MYG1: variants seen among roughly 807,000 people sequenced by gnomAD.
MYG1 encodes MYG1 exonuclease, also known as UPF0160 protein MYG1, mitochondrial.
MYG1 carries 36 observed loss-of-function variants against 43.5 expected under a neutral mutation model. The observed-to-expected ratio is 0.83, with a 90% CI of 0.63 to 1.09. MYG1 has a LOEUF of 1.09. Ranked by LOEUF, MYG1 falls within the 50% of genes least tolerant of loss-of-function variation. The pLI is 0.00. For synonymous variants in MYG1, 220 were observed against 202.8 expected, an observed-to-expected ratio of 1.08 and a Z score of -0.72; for missense variants, 529 against 495.1, an observed-to-expected ratio of 1.07 and a Z score of -0.65.
chr12:53,299,830 C>T lies in MYG1; in HGVS notation c.93C>T (p.Val31=). 6.2e-7 allele frequency: 1 copy of T among 1,614,208 alleles called. No individual in the cohort carries two copies. The highest frequency in any genetic ancestry group is 1.3e-5 in the African/African-American group (1 of 75,054). The change falls in exon 1 of 7, where the codon GTC becomes GTT. Residue 31 remains valine, a synonymous_variant. Coordinates refer to ENST00000267103, the MANE Select transcript of MYG1 (RefSeq NM_021640.4). Reference sequence around the variant, plus strand: ...ACCGCATGCTCGGTCCAGAGTCCGTCCCGCCCCCAAAACGATCCCGCAGCA... The same window carrying T: ...ACCGCATGCTCGGTCCAGAGTCCGTTCCGCCCCCAAAACGATCCCGCAGCA... ...TRHRMLGPES[V]PPPKRSRSKL... is the part of the protein sequence containing the mutation.
chr12:53,300,892 A>C, intron 2 of MYG1, among the ~76,000 whole-genome samples: 1 of 146,212 alleles, frequency 6.8e-6, no homozygotes, highest in African/African-American at 2.5e-5. Context: ...CCAGTCTATT[A>C]CTTTCTTCTC....
intron 1 of MYG1, 93 bp from the exon 2 acceptor site, chr12:53,300,057 C>CACCCTTCCT: frequency 6.5e-7 from 1 of 1,538,260 alleles, no homozygotes; most frequent in East Asian, 2.4e-5. Context: ...GCAGCCCAAG[C>CACCCTTCCT]ACCCTTCCTA....
chr12:53,303,340 C>T, intron 3 of MYG1, 147 bp downstream of exon 3: 2 of 857,756 alleles, frequency 2.3e-6, no homozygotes, highest in Non-Finnish European at 1.7e-6. Context: ...CTCAGTCAGG[C>T]TCATCTCACA....
chr12:53,303,003 C>T (rs1416800764), intron 2 of MYG1, 31 bp from the exon 3 acceptor site: 1 of 1,558,494 alleles, frequency 6.4e-7, no homozygotes, highest in African/African-American at 1.4e-5. Flanking sequence ...CAAGGTCCCT[C>T]ACCTCAGCCC....
chr12:53,303,446 G>C (rs963006611), intron 3 of MYG1: 3 of 413,134 alleles, frequency 7.3e-6, no homozygotes, highest in Non-Finnish European at 4.3e-6. Flanking sequence ...CCATAAAGCA[G>C]CATGGCCCCG....
rs112202958 is a variant in MYG1, at chr12:53,306,084, C to T, written c.642+24C>T. ...AGGTAAGGTGGCCTGGGAGGAGACCCGGAGACCTGTAAGAACCTTGGGTGG... is the reference window on the plus strand; with the variant it reads ...AGGTAAGGTGGCCTGGGAGGAGACCTGGAGACCTGTAAGAACCTTGGGTGG... On this transcript the variant is annotated intron_variant, in intron 4 of 6. Transcript: ENST00000267103. 1.6e-5 allele frequency: 25 copies of T among 1,610,162 alleles called. No individual in the cohort carries two copies. The African/African-American group carries it at 1.6e-4, about 10-fold the overall frequency.
chr12:53,305,750 C>T (rs118081486), intron 3 of MYG1, 158 bp from the exon 4 acceptor site: 12,470 of 846,410 alleles, frequency 0.015, 184 homozygotes, highest in South Asian at 0.046. Flanking sequence ...TGAGCTTCAG[C>T]GAGCTGCTGA....
intron 2 of MYG1, among the ~76,000 whole-genome samples, chr12:53,302,278 C>A (rs1252220964): frequency 6.6e-6 from 1 of 152,228 alleles, no homozygotes; most frequent in East Asian, 1.9e-4. Flanking sequence ...TGAGCCCAGC[C>A]TGTATTTACT....
chr12:53,305,851 A>G (rs1234686507), intron 3 of MYG1, 57 bp from the exon 4 acceptor site: 3 of 1,531,202 alleles, frequency 2.0e-6, no homozygotes, highest in South Asian at 1.3e-5. Flanking sequence ...TGAATCATGT[A>G]AGATTTCACA....
At chr12:53,300,767 T>C (rs4759053) in intron 2 of MYG1, among the ~76,000 whole-genome samples, 141,518 of 152,224 alleles carry the variant, frequency 0.93, 66,378 homozygotes, top group Non-Finnish European at 0.99. Context: ...CCCTGCCTCT[T>C]TTCAAAAGAA....
intron 2 of MYG1, among the ~76,000 whole-genome samples, chr12:53,300,734 C>G (rs1165141140): frequency 6.6e-6 from 1 of 152,116 alleles, no homozygotes; most frequent in Non-Finnish European, 1.5e-5. Flanking sequence ...TCCCTCAAGC[C>G]TCTACCGCAT....
chr12:53,303,134 C>A lies in MYG1; in HGVS notation c.430C>A (p.Leu144Met), dbSNP rs771324602. 1 of 1,614,208 alleles carries A rather than the reference C, an allele frequency of 6.2e-7. No individual in the cohort carries two copies. The highest frequency in any genetic ancestry group is 1.1e-5 in the South Asian group (1 of 91,082). Reference protein sequence around the residue: ...LIYLHFGHKLLAQLLGTSEED... With the variant: ...LIYLHFGHKLMAQLLGTSEED... The stretch of plus-strand genomic sequence containing the variant: ...CTATCTGCACTTCGGGCACAAGCTG[C>A]TGGCCCAGTTGCTGGGCACTAGTGA... Residue 144 changes from leucine (L) to methionine (M), a missense_variant, in exon 3 of 7, where the codon CTG (leucine) becomes ATG (methionine). By Grantham distance (15) the Leu-to-Met change is conservative. Coordinates refer to ENST00000267103, the MANE Select transcript of MYG1 (RefSeq NM_021640.4).
intron 3 of MYG1, among the ~76,000 whole-genome samples, chr12:53,304,006 G>A (rs2121063593): frequency 6.6e-6 from 1 of 152,072 alleles, no homozygotes; most frequent in South Asian, 2.1e-4. Context: ...ACCATGCCCG[G>A]CTAATTTTTT....
At chr12:53,305,437 G>A (rs1360147898) in intron 3 of MYG1, among the ~76,000 whole-genome samples, 4 of 152,078 alleles carry the variant, frequency 2.6e-5, no homozygotes, top group Non-Finnish European at 4.4e-5. Flanking sequence ...CCAGCAACCA[G>A]CTTTTGGTGT....
rs747580125 is a variant in MYG1, at chr12:53,300,165, C to G, written c.232C>G (p.Arg78Gly). 10 of 1,600,836 alleles carry G rather than the reference C, an allele frequency of 6.2e-6. No homozygotes were observed. The South Asian group carries it at 1.1e-4, about 18-fold the overall frequency. Reference sequence around the variant, plus strand: ...TACCTCGCAGGATGCAGAGATTGTGCGGACCCGGGATCCCGAAAAACTCGC... The same window carrying G: ...TACCTCGCAGGATGCAGAGATTGTGGGGACCCGGGATCCCGAAAAACTCGC... ...LPEYRDAEIV[R>G]TRDPEKLASC... The change falls in exon 2 of 7, where the codon CGG (arginine) becomes GGG (glycine). Residue 78 changes from arginine to glycine, a missense_variant. Arg to Gly is a moderately radical substitution (Grantham distance 125, BLOSUM62 -2). Coordinates refer to ENST00000267103, the MANE Select transcript of MYG1 (RefSeq NM_021640.4).
Position 53,307,161 on chromosome 12 carries a change from C to T in MYG1, c.*12C>T, listed in dbSNP as rs1239732010. 8 of 1,599,164 alleles carry T rather than the reference C, an allele frequency of 5.0e-6. No homozygotes were observed. The highest frequency in any genetic ancestry group is 1.1e-5 in the South Asian group (1 of 88,798). On this transcript the variant is annotated 3_prime_UTR_variant, in exon 7 of 7. Coordinates refer to ENST00000267103, the MANE Select transcript of MYG1 (RefSeq NM_021640.4). ...CACAAATCTCCTAGTCTAATAAAAC[C>T]TTCCATCTCATACTGACCCAGTCCT... is the stretch of plus-strand genomic sequence containing the variant.
chr12:53,304,571 C>T (rs1004225800), intron 3 of MYG1, among the ~76,000 whole-genome samples: 7 of 152,148 alleles, frequency 4.6e-5, no homozygotes, highest in African/African-American at 1.7e-4. Context: ...AGGCGTGAGC[C>T]ACTAATCCCA....
chr12:53,299,792 C>T lies in MYG1; in HGVS notation c.55C>T (p.Leu19=), dbSNP rs746239851. Residue 19 remains leucine (L), a synonymous_variant, in exon 1 of 7, where the codon CTG becomes TTG. Transcript: ENST00000267103. Reference sequence around the variant, plus strand: ...AACGCTGCTGCTGCCGCCGCCACCCCTGTATACCCGGCACCGCATGCTCGG... The same window carrying T: ...AACGCTGCTGCTGCCGCCGCCACCCTTGTATACCCGGCACCGCATGCTCGG... ...LLTLLLPPPP[L]YTRHRMLGPE... The T allele has an allele frequency of 1.1e-5, 18 of 1,614,090 alleles. No homozygotes were observed. The South Asian group carries it at 1.3e-4, about 12-fold the overall frequency.
intron 1 of MYG1, 96 bp from the exon 2 acceptor site, chr12:53,300,054 A>G: frequency 6.5e-7 from 1 of 1,541,386 alleles, no homozygotes; most frequent in Non-Finnish European, 8.8e-7. Flanking sequence ...CCGGCAGCCC[A>G]AGCACCCTTC....
Sources: allele counts gnomAD v4.1 joint callset (sites outside exome capture counted in the v4.1 genomes callset), GRCh38; gene constraint gnomAD v4.1.1; transcripts MANE v1.5; gene names NCBI Gene and HGNC (gene_info 2026-07-23, HGNC 2026-07-21).